EPHB1: variants seen among roughly 807,000 people sequenced by gnomAD.
The protein encoded by EPHB1 is ephrin type-B receptor 1.
EPHB1 carries 30 observed loss-of-function variants against 94.4 expected under a neutral mutation model. The ratio of observed to expected loss-of-function variants is 0.32; its 90% CI spans 0.24 to 0.43. The LOEUF (loss-of-function observed/expected upper bound fraction) is 0.43, where lower values mean the gene tolerates loss of function less well. Among genes scored for constraint, EPHB1 ranks in the 20% least tolerant of loss-of-function variants. The pLI, the probability that EPHB1 is intolerant of heterozygous loss-of-function variation, is 1.00. For missense variants in EPHB1, 1,055 were observed against 1,308.3 expected (o/e 0.81, Z 2.99); for synonymous variants, 522 against 489.1 (o/e 1.07, Z -0.89).
intron 3 of EPHB1, among the ~76,000 whole-genome samples, chr3:134,975,067 A>G (rs1934131074): frequency 6.7e-6 from 1 of 149,346 alleles, no homozygotes; most frequent in Non-Finnish European, 1.5e-5. Context: ...ACTTTCACAC[A>G]TCATATTGAT....
At chr3:134,919,840 G>GT (rs754203692) in intron 1 of EPHB1, among the ~76,000 whole-genome samples, 117 of 141,062 alleles carry the variant, frequency 8.3e-4, no homozygotes, top group East Asian at 4.4e-3. Flanking sequence ...CTTAGGGCAG[G>GT]GGTGTGTGTG....
At chr3:134,963,727 T>C (rs2107723176) in intron 3 of EPHB1, among the ~76,000 whole-genome samples, 1 of 152,286 alleles carries the variant, frequency 6.6e-6, no homozygotes, top group Admixed American at 6.5e-5. Flanking sequence ...CTATTCTCTA[T>C]GCCTCCCAAG....
chr3:135,245,563 T>C (rs1943900133), intron 13 of EPHB1, among the ~76,000 whole-genome samples: 1 of 147,308 alleles, frequency 6.8e-6, no homozygotes, highest in Admixed American at 6.7e-5. Flanking sequence ...ATCCCAGCAC[T>C]TTGGGAGGCC....
At chr3:134,971,384 G>C (rs1332073513) in intron 3 of EPHB1, among the ~76,000 whole-genome samples, 2 of 152,172 alleles carry the variant, frequency 1.3e-5, no homozygotes, top group African/African-American at 4.8e-5. Flanking sequence ...GTAGCAGGTA[G>C]AGTCGATGCG....
At chr3:134,958,718 C>A (rs1933383598) in intron 3 of EPHB1, among the ~76,000 whole-genome samples, 1 of 152,074 alleles carries the variant, frequency 6.6e-6, no homozygotes, top group African/African-American at 2.4e-5. Flanking sequence ...GCGGCCCTAC[C>A]CAGCGACCCC....
At chr3:134,877,528 A>G (rs1349942356) in intron 1 of EPHB1, among the ~76,000 whole-genome samples, 2 of 152,120 alleles carry the variant, frequency 1.3e-5, no homozygotes, top group East Asian at 3.9e-4. Context: ...CATGACACCA[A>G]CTTTCCCAAA....
chr3:134,870,213 G>T (rs961541777), intron 1 of EPHB1, among the ~76,000 whole-genome samples: 1 of 152,112 alleles, frequency 6.6e-6, no homozygotes. Context: ...CCAGAGAGAG[G>T]CAAGAGGACT....
At chr3:134,912,149 G>A (rs1440554756) in intron 1 of EPHB1, among the ~76,000 whole-genome samples, 1 of 152,164 alleles carries the variant, frequency 6.6e-6, no homozygotes, top group Non-Finnish European at 1.5e-5. Flanking sequence ...TCTTCTCCAG[G>A]GTGATTGATG....
At chr3:135,193,174 C>A (rs13064869) in intron 11 of EPHB1, among the ~76,000 whole-genome samples, 22,437 of 152,250 alleles carry the variant, frequency 0.15, 2,069 homozygotes, top group East Asian at 0.31. Flanking sequence ...CCGCGGCCAT[C>A]TCTGCCTTTC....
chr3:135,153,384 A>G (rs540181589), intron 5 of EPHB1, among the ~76,000 whole-genome samples: 5 of 152,328 alleles, frequency 3.3e-5, no homozygotes, highest in African/African-American at 9.6e-5. Flanking sequence ...TGCTTACACC[A>G]TGTGAAAAAT....
intron 3 of EPHB1, among the ~76,000 whole-genome samples, chr3:135,077,173 A>G (rs1937964755): frequency 6.6e-6 from 1 of 152,212 alleles, no homozygotes; most frequent in African/African-American, 2.4e-5. Flanking sequence ...GGAACCATGG[A>G]CAGGGAGAGA....
At chr3:135,006,709 G>C (rs1229929519) in intron 3 of EPHB1, among the ~76,000 whole-genome samples, 4 of 152,188 alleles carry the variant, frequency 2.6e-5, no homozygotes, top group Non-Finnish European at 5.9e-5. Context: ...GAACATCCTT[G>C]TACAATAGAG....
At chr3:134,855,033 T>C (rs1054773281) in intron 1 of EPHB1, among the ~76,000 whole-genome samples, 1 of 152,210 alleles carries the variant, frequency 6.6e-6, no homozygotes, top group Non-Finnish European at 1.5e-5. Context: ...TGTGGGCATA[T>C]ACATATATAC....
At position 135,192,702 on chromosome 3, in the gene EPHB1, G is replaced by C. The variant is rs1344861729; in HGVS notation, c.2009G>C (p.Ser670Thr). 6.2e-7 allele frequency: 1 copy of C among 1,614,178 alleles called. No homozygotes were observed. Among genetic ancestry groups the C allele is most frequent in the Non-Finnish European group, 8.5e-7 (1 of 1,180,034 alleles). ...CGTCGGGACTTTCTGAGTGAGGCGA[G>C]CATCATGGGCCAGTTCGACCATCCT... ...KQRRDFLSEASIMGQFDHPNI... is the reference protein window; with the variant it reads ...KQRRDFLSEATIMGQFDHPNI... Residue 670 changes from serine (S) to threonine (T), a missense_variant, in exon 11 of 16, where the codon AGC becomes ACC. Ser to Thr is a moderately conservative substitution (Grantham distance 58). Transcript: ENST00000398015.
Position 135,179,447 on chromosome 3 carries a change from C to T in EPHB1, c.1760-413C>T, listed in dbSNP as rs374551473. On this transcript the variant is annotated intron_variant, in intron 9 of 15. Transcript: ENST00000398015. ...GTTATAACCTTAACAGTGGCCTCCA[C>T]TCAGGAAAGTTGTCAAGTTGATAAA... Among the ~76,000 whole-genome samples, 3 of 152,300 alleles carry T rather than the reference C, an allele frequency of 2.0e-5. No individual in the cohort carries two copies. The East Asian group carries it at 5.8e-4, about 29-fold the overall frequency.
intron 12 of EPHB1, among the ~76,000 whole-genome samples, chr3:135,217,921 G>A (rs548807880): frequency 9.2e-5 from 14 of 152,212 alleles, no homozygotes; most frequent in African/African-American, 2.9e-4. Context: ...CTGTCAGAAC[G>A]GGCAAGGTTT....
intron 3 of EPHB1, among the ~76,000 whole-genome samples, chr3:135,054,845 T>A (rs1343083980): frequency 2.0e-5 from 3 of 152,220 alleles, no homozygotes; most frequent in Non-Finnish European, 2.9e-5. Context: ...TATCCTCACC[T>A]TAAAAGTGCT....
chr3:134,856,654 G>A (rs1017078936), intron 1 of EPHB1, among the ~76,000 whole-genome samples: 1 of 152,160 alleles, frequency 6.6e-6, no homozygotes, highest in South Asian at 2.1e-4. Flanking sequence ...CAACTGAGAG[G>A]TGCTGTCGAT....
intron 5 of EPHB1, among the ~76,000 whole-genome samples, chr3:135,142,335 C>T (rs913320032): frequency 2.6e-5 from 4 of 152,132 alleles, no homozygotes; most frequent in Non-Finnish European, 5.9e-5. Context: ...TCTTTTTCCT[C>T]TTATGTGGCT....
Sources: gnomAD v4.1 joint callset for allele counts (sites outside exome capture counted in the v4.1 genomes callset) on GRCh38, gnomAD v4.1.1 for gene constraint, MANE v1.5 for transcripts, NCBI Gene and HGNC (gene_info 2026-07-23, HGNC 2026-07-21) for gene names.